CACNA1E: variants seen among roughly 807,000 people sequenced by gnomAD.
CACNA1E encodes voltage-dependent R-type calcium channel subunit alpha-1E.
Under a neutral mutation model 259.2 loss-of-function variants are expected in CACNA1E, and 40 were observed. The observed-to-expected ratio is 0.15, with a 90% confidence interval of 0.12 to 0.20. The LOEUF (loss-of-function observed/expected upper bound fraction) is 0.20, where lower values mean the gene tolerates loss of function less well. Among genes scored for constraint, CACNA1E ranks in the 10% least tolerant of loss-of-function variants. The probability of loss-of-function intolerance (pLI) is 1.00; values close to 1 mark genes in which losing one functional copy is unlikely to be tolerated. For missense variants in CACNA1E, 1,874 were observed against 3,040.1 expected (o/e 0.62, Z 9.02); for synonymous variants, 1,104 against 1,138.5 (o/e 0.97, Z 0.61).
intron 1 of CACNA1E, among the ~76,000 whole-genome samples, chr1:181,345,680 C>T (rs546438032): frequency 2.0e-5 from 3 of 152,290 alleles, no homozygotes; most frequent in African/African-American, 7.2e-5. Context: ...AAGAGGTGTT[C>T]GAGATGAGCT....
Position 181,625,314 on chromosome 1 carries a change from G to A in CACNA1E, c.952-26024G>A, listed in dbSNP as rs144250160. 1.1e-4 allele frequency among the ~76,000 whole-genome samples: 17 copies of A among 152,114 alleles called. No individual in the cohort carries two copies. The East Asian group carries it at 1.7e-3, about 16-fold the overall frequency. ...CTTTGAGTCTTTGAAGCCAAACGTC[G>A]TCTTCTCTACTTACGATTTTCTCGT... On this transcript the variant is annotated intron_variant, in intron 6 of 47. Transcript: ENST00000367573.
chr1:181,788,922 A>C (rs1661066893), intron 43 of CACNA1E, among the ~76,000 whole-genome samples: 1 of 152,200 alleles, frequency 6.6e-6, no homozygotes, highest in African/African-American at 2.4e-5. Flanking sequence ...GCTGGAGTAC[A>C]GTGGCACAAC....
chr1:181,761,040 A>ATAGAC (rs2102709874), intron 32 of CACNA1E, among the ~76,000 whole-genome samples: 1 of 152,322 alleles, frequency 6.6e-6, no homozygotes, highest in South Asian at 2.1e-4. Flanking sequence ...TCCACCACTG[A>ATAGAC]TAGACTAAAT....
intron 5 of CACNA1E, among the ~76,000 whole-genome samples, chr1:181,579,954 C>T (rs1207157913): frequency 1.3e-5 from 2 of 152,060 alleles, no homozygotes; most frequent in African/African-American, 2.4e-5. Context: ...GTACACAACC[C>T]CAAATTCTCA....
chr1:181,445,065 A>G (rs919787287), intron 2 of CACNA1E, among the ~76,000 whole-genome samples: 2 of 152,226 alleles, frequency 1.3e-5, no homozygotes, highest in Non-Finnish European at 1.5e-5. Context: ...AGGAAAAGAA[A>G]GAGAGATACG....
At chr1:181,582,445 C>G (rs1346878876) in intron 6 of CACNA1E, among the ~76,000 whole-genome samples, 1 of 152,204 alleles carries the variant, frequency 6.6e-6, no homozygotes, top group Non-Finnish European at 1.5e-5. Context: ...GCTGGTGTCA[C>G]ATGGAGGGCT....
chr1:181,571,988 C>T lies in CACNA1E; in HGVS notation c.513-5778C>T, dbSNP rs1270654672. 3.9e-5 allele frequency among the ~76,000 whole-genome samples: 6 copies of T among 152,264 alleles called. No individual in the cohort carries two copies. In the East Asian group the frequency reaches 1.2e-3, roughly 29 times the overall value. On this transcript the variant is annotated intron_variant, in intron 3 of 47. Transcript: ENST00000367573. Reference sequence around the variant, plus strand: ...CCAGTTAAATTTGAATTTTAGGTTTCAGATAAACAATGAATATTCCATGCA... The same window carrying T: ...CCAGTTAAATTTGAATTTTAGGTTTTAGATAAACAATGAATATTCCATGCA...
At chr1:181,506,099 C>T (rs1285021610) in intron 1 of CACNA1E, among the ~76,000 whole-genome samples, 2 of 152,224 alleles carry the variant, frequency 1.3e-5, no homozygotes, top group African/African-American at 4.8e-5. Flanking sequence ...AATTCTAGAA[C>T]AGAGAGTCAG....
intron 1 of CACNA1E, among the ~76,000 whole-genome samples, chr1:181,384,972 A>T (rs371938721): frequency 1.3e-5 from 2 of 152,176 alleles, no homozygotes; most frequent in East Asian, 3.8e-4. Context: ...ACCTGCTATC[A>T]CTACTGCCTT....
intron 25 of CACNA1E, among the ~76,000 whole-genome samples, chr1:181,744,863 C>T (rs1009980786): frequency 4.6e-5 from 7 of 152,152 alleles, no homozygotes; most frequent in African/African-American, 9.7e-5. Context: ...TAAATTTAGC[C>T]GTCAAGTAGC....
intron 6 of CACNA1E, among the ~76,000 whole-genome samples, chr1:181,639,097 T>G (rs1404008727): frequency 3.3e-5 from 5 of 152,090 alleles, no homozygotes; most frequent in African/African-American, 1.2e-4. Flanking sequence ...GATGCCTTTT[T>G]TTTTTTTTGA....
rs79726931 is a variant in CACNA1E at position 181,504,977 on chromosome 1, G to T, written c.267-5500G>T. 5.5e-3 allele frequency among the ~76,000 whole-genome samples: 844 copies of T among 152,252 alleles called. 7 individuals carry two copies. The highest frequency in any genetic ancestry group is 0.018 in the African/African-American group (756 of 41,528). The stretch of plus-strand genomic sequence containing the variant: ...TTGCCAGTAAAGTTTATGAAATGAG[G>T]CCTCTAGTGAGCAGTGAGCTGGTAC... On this transcript the variant is annotated intron_variant, in intron 1 of 47. Coordinates refer to ENST00000367573, the MANE Select transcript of CACNA1E (RefSeq NM_001205293.3).
chr1:181,740,006 G>C (rs1656408789), intron 25 of CACNA1E, among the ~76,000 whole-genome samples: 1 of 152,138 alleles, frequency 6.6e-6, no homozygotes, highest in Non-Finnish European at 1.5e-5. Flanking sequence ...CTAGGAAATG[G>C]GATGCTTTCA....
At chr1:181,614,902 T>C (rs1655071981) in intron 6 of CACNA1E, among the ~76,000 whole-genome samples, 1 of 152,228 alleles carries the variant, frequency 6.6e-6, no homozygotes, top group Admixed American at 6.5e-5. Flanking sequence ...TTTTCCAATA[T>C]ATTTATTGAA....
chr1:181,678,650 C>T (rs1451294843), intron 7 of CACNA1E, among the ~76,000 whole-genome samples: 1 of 152,120 alleles, frequency 6.6e-6, no homozygotes, highest in Non-Finnish European at 1.5e-5. Flanking sequence ...TTGGAAGGAC[C>T]TCTTAGGAAA....
intron 1 of CACNA1E, among the ~76,000 whole-genome samples, chr1:181,342,400 G>A (rs185822112): frequency 1.4e-3 from 213 of 152,170 alleles, no homozygotes; most frequent in Middle Eastern, 6.8e-3. Context: ...CAAACTGCTT[G>A]TAGCAACATC....
chr1:181,709,561 C>T (rs144831095), intron 7 of CACNA1E, among the ~76,000 whole-genome samples: 121 of 152,316 alleles, frequency 7.9e-4, no homozygotes, highest in Non-Finnish European at 1.2e-3. Flanking sequence ...TCATTCATTT[C>T]TTCTTTCCTA....
At chr1:181,767,143 G>T (rs950683353) in intron 35 of CACNA1E, among the ~76,000 whole-genome samples, 4 of 152,152 alleles carry the variant, frequency 2.6e-5, no homozygotes, top group Admixed American at 2.0e-4. Flanking sequence ...ACAACTCATG[G>T]AGTTCCTGGC....
intron 7 of CACNA1E, among the ~76,000 whole-genome samples, chr1:181,701,929 G>C (rs1652302286): frequency 6.6e-6 from 1 of 152,042 alleles, no homozygotes; most frequent in Non-Finnish European, 1.5e-5. Context: ...TGAATTATCA[G>C]TTAACATCTT....
Sources: gnomAD v4.1 joint callset for allele counts (sites outside exome capture counted in the v4.1 genomes callset) on GRCh38, gnomAD v4.1.1 for gene constraint, MANE v1.5 for transcripts, NCBI Gene and HGNC (gene_info 2026-07-23, HGNC 2026-07-21) for gene names.